RNF4: variants seen among roughly 807,000 people sequenced by gnomAD.
RNF4 encodes the protein E3 ubiquitin-protein ligase RNF4.
Under a neutral mutation model 24.3 loss-of-function variants are expected in RNF4, and 7 were observed. The observed-to-expected ratio is 0.29, with a 90% CI of 0.16 to 0.54. The LOEUF (loss-of-function observed/expected upper bound fraction) is 0.54, where lower values mean the gene tolerates loss of function less well. Among genes scored for constraint, RNF4 ranks in the 20% least tolerant of loss-of-function variants. The pLI, the probability that RNF4 is intolerant of heterozygous loss-of-function variation, is 0.95. For missense variants in RNF4, 209 were observed against 248.5 expected, an observed-to-expected ratio of 0.84 and a Z score of 1.07; for synonymous variants, 83 against 84.3, an observed-to-expected ratio of 0.98 and a Z score of 0.09.
At chr4:2,484,425 G>T (rs1735346748) in intron 1 of RNF4, among the ~76,000 whole-genome samples, 1 of 151,992 alleles carries the variant, frequency 6.6e-6, no homozygotes, top group African/African-American at 2.4e-5. Flanking sequence ...CTATCCATTA[G>T]CAGACTCCTT....
At chr4:2,474,351 C>T (rs1214237023) in intron 1 of RNF4, among the ~76,000 whole-genome samples, 1 of 149,412 alleles carries the variant, frequency 6.7e-6, no homozygotes, top group East Asian at 2.0e-4. Flanking sequence ...GCACTCCATC[C>T]AGCCTGGTTG....
chr4:2,507,725 G>T (rs1736143751), intron 4 of RNF4, among the ~76,000 whole-genome samples: 1 of 152,180 alleles, frequency 6.6e-6, no homozygotes, highest in African/African-American at 2.4e-5. Flanking sequence ...GGGGCTTCGA[G>T]TGACCAATCA....
chr4:2,470,869 C>G (rs1361804072), intron 1 of RNF4: 3 of 151,260 alleles, frequency 2.0e-5, no homozygotes, highest in Non-Finnish European at 2.9e-5. Flanking sequence ...AAGGATTCAT[C>G]GAGCAAGTCT....
intron 2 of RNF4, among the ~76,000 whole-genome samples, chr4:2,493,247 GGGAGGGACA>G (rs1735633614): frequency 6.6e-6 from 1 of 152,246 alleles, no homozygotes; most frequent in South Asian, 2.1e-4. Context: ...AGTAAAGAAA[GGGAGGGACA>G]GGCACTCCAG....
Position 2,511,939 on chromosome 4 carries a change from C to T in RNF4, c.205-17C>T, listed in dbSNP as rs1176721888. On this transcript the variant is annotated splice_polypyrimidine_tract_variant and intron_variant, in intron 4 of 7. Transcript: ENST00000314289. ...GATTGCTTCTTTCTCTTTTGTTTTT[C>T]TCCTTCTGTTTACAAGATTGTTGAC... 2 of 1,601,596 alleles carry T rather than the reference C, an allele frequency of 1.2e-6. No homozygotes were observed. The highest frequency in any genetic ancestry group is 2.2e-5 in the East Asian group (1 of 44,630).
intron 1 of RNF4, among the ~76,000 whole-genome samples, chr4:2,486,736 G>A (rs1484860447): frequency 2.0e-5 from 3 of 152,190 alleles, no homozygotes; most frequent in Non-Finnish European, 4.4e-5. Flanking sequence ...TCAGTGAAGT[G>A]GGAGGAGAGA....
intron 4 of RNF4, among the ~76,000 whole-genome samples, chr4:2,502,397 G>A (rs1186500675): frequency 6.6e-6 from 1 of 152,054 alleles, no homozygotes; most frequent in Non-Finnish European, 1.5e-5. Context: ...TTAGAAACAG[G>A]GTCTCAGGCT....
chr4:2,484,236 G>C (rs981372399), intron 1 of RNF4, among the ~76,000 whole-genome samples: 2 of 151,764 alleles, frequency 1.3e-5, no homozygotes, highest in Non-Finnish European at 2.9e-5. Flanking sequence ...AGAGCTTCTC[G>C]TTAGAGCATC....
chr4:2,501,277 C>A (rs1314683843), intron 4 of RNF4, among the ~76,000 whole-genome samples: 1 of 152,252 alleles, frequency 6.6e-6, no homozygotes, highest in Non-Finnish European at 1.5e-5. Flanking sequence ...GCCCTCCCAA[C>A]TGAAAGGAAA....
chr4:2,495,043 G>A (rs1735691743), intron 2 of RNF4, among the ~76,000 whole-genome samples: 1 of 152,172 alleles, frequency 6.6e-6, no homozygotes, highest in South Asian at 2.1e-4. Flanking sequence ...TGGCTGCTGG[G>A]GAAACCCTTA....
intron 1 of RNF4, among the ~76,000 whole-genome samples, chr4:2,475,771 C>T (rs1010094550): frequency 6.6e-6 from 1 of 152,172 alleles, no homozygotes; most frequent in African/African-American, 2.4e-5. Flanking sequence ...CTTACAGAAC[C>T]ACTCTATAAG....
At position 2,511,941 on chromosome 4, in the gene RNF4, C is replaced by G; in HGVS notation, c.205-15C>G. On this transcript the variant is annotated splice_polypyrimidine_tract_variant and intron_variant, in intron 4 of 7. Transcript: ENST00000314289. Reference sequence around the variant, plus strand: ...TTGCTTCTTTCTCTTTTGTTTTTCTCCTTCTGTTTACAAGATTGTTGACGG... The same window carrying G: ...TTGCTTCTTTCTCTTTTGTTTTTCTGCTTCTGTTTACAAGATTGTTGACGG... 6.2e-7 allele frequency: 1 copy of G among 1,602,522 alleles called. No individual in the cohort carries two copies. The highest frequency in any genetic ancestry group is 8.5e-7 in the Non-Finnish European group (1 of 1,174,110).
chr4:2,504,568 T>A (rs1357869221), intron 4 of RNF4, among the ~76,000 whole-genome samples: 5 of 104,984 alleles, frequency 4.8e-5, no homozygotes, highest in African/African-American at 1.0e-4. Flanking sequence ...TTATTTATTT[T>A]GAGACAGAGT....
At chr4:2,490,678 G>C in intron 2 of RNF4, 176 bp downstream of exon 2, 1 of 609,750 alleles carries the variant, frequency 1.6e-6, no homozygotes, top group Non-Finnish European at 2.8e-6. Context: ...CCGACATTGA[G>C]CTACATTCGA....
rs116336654 is a variant in RNF4, at chr4:2,484,798, G to A, written c.-157-5539G>A. Among the ~76,000 whole-genome samples the A allele has an allele frequency of 2.5e-3, 374 of 152,118 alleles. 3 individuals carry two copies. Among genetic ancestry groups the A allele is most frequent in the African/African-American group, 8.5e-3 (352 of 41,470 alleles). Reference sequence around the variant, plus strand: ...CTGTCCTATACTCTGCCACTACCCCGAGCCTCATGGCTTTCTTCTCACCTG... The same window carrying A: ...CTGTCCTATACTCTGCCACTACCCCAAGCCTCATGGCTTTCTTCTCACCTG... On this transcript the variant is annotated intron_variant, in intron 1 of 7. Coordinates refer to ENST00000314289, the MANE Select transcript of RNF4 (RefSeq NM_002938.5).
chr4:2,494,714 TAAAG>T (rs1023010204), intron 2 of RNF4: 1 of 152,242 alleles, frequency 6.6e-6, no homozygotes, highest in African/African-American at 2.4e-5. Flanking sequence ...CAGAGGAGAA[TAAAG>T]GAAGGAGGAA....
At chr4:2,501,268 C>T (rs749754838) in intron 4 of RNF4, among the ~76,000 whole-genome samples, 5 of 152,248 alleles carry the variant, frequency 3.3e-5, no homozygotes, top group Non-Finnish European at 7.3e-5. Flanking sequence ...TGAGTGTATG[C>T]CCTCCCAACT....
At position 2,490,380 on chromosome 4, in the gene RNF4, C is replaced by T; in HGVS notation, c.-114C>T. On this transcript the variant is annotated 5_prime_UTR_variant, in exon 2 of 8. Transcript: ENST00000314289. ...ATCTGTCCGGATCCAAATTATTTTG[C>T]AAGCCAGATGAGTAACCAGAGGGCA... The T allele has an allele frequency of 1.0e-6, 1 of 998,120 alleles. No individual in the cohort carries two copies. The highest frequency in any genetic ancestry group is 1.5e-6 in the Non-Finnish European group (1 of 670,866). The allele number at this position is 998,120 out of a possible 1,614,324, so 61.8% of individuals were successfully genotyped here.
intron 4 of RNF4, among the ~76,000 whole-genome samples, chr4:2,508,760 G>A (rs1736179319): frequency 6.6e-6 from 1 of 151,082 alleles, no homozygotes; most frequent in South Asian, 2.1e-4. Flanking sequence ...ACAGACATGA[G>A]CCACCACATG....
Sources: gnomAD v4.1 joint callset for allele counts (sites outside exome capture counted in the v4.1 genomes callset) on GRCh38, gnomAD v4.1.1 for gene constraint, MANE v1.5 for transcripts, NCBI Gene and HGNC (gene_info 2026-07-23, HGNC 2026-07-21) for gene names.